ZNF506: variants seen among roughly 807,000 people sequenced by gnomAD.
ZNF506 encodes the protein zinc finger protein 506.
ZNF506 carries 10 observed loss-of-function variants against 11.6 expected under a neutral mutation model. The ratio of observed to expected loss-of-function variants is 0.86; its 90% CI spans 0.53 to 1.46. ZNF506 has a LOEUF of 1.46. Among genes scored for constraint, ZNF506 ranks in the 40% most tolerant of loss-of-function variants. The pLI is 0.00. For missense variants in ZNF506, 425 were observed against 521.2 expected (o/e 0.82, Z 1.80); for synonymous variants, 156 against 173.3 (o/e 0.90, Z 0.78).
chr19:19,800,391 AATATATATAT>A (rs3062863), intron 3 of ZNF506, among the ~76,000 whole-genome samples: 2 of 139,244 alleles, frequency 1.4e-5, no homozygotes, highest in African/African-American at 5.3e-5. Context: ...AACTAAACAG[AATATATATAT>A]ATATATATAT....
chr19:19,800,188 G>A (rs891701903), intron 3 of ZNF506, among the ~76,000 whole-genome samples: 2 of 151,572 alleles, frequency 1.3e-5, no homozygotes, highest in African/African-American at 4.8e-5. Flanking sequence ...AAAATAAAAC[G>A]AGCCAGCCAC....
intron 3 of ZNF506, chr19:19,798,812 T>A (rs1465605550): frequency 1.3e-5 from 2 of 152,008 alleles, no homozygotes; most frequent in African/African-American, 4.8e-5. Flanking sequence ...TTATTAACAG[T>A]AAGTTTTTCT....
At chr19:19,809,562 T>C (rs944599374) in intron 1 of ZNF506, among the ~76,000 whole-genome samples, 5 of 152,220 alleles carry the variant, frequency 3.3e-5, no homozygotes, top group African/African-American at 1.2e-4. Context: ...AAGGTGTCAG[T>C]ATTACATGTT....
intron 1 of ZNF506, among the ~76,000 whole-genome samples, chr19:19,814,972 T>C (rs1185608655): frequency 6.6e-6 from 1 of 151,946 alleles, no homozygotes; most frequent in Non-Finnish European, 1.5e-5. Context: ...AAAATGCCAT[T>C]GTGGGCCGGG....
intron 1 of ZNF506, 106 bp from the exon 2 acceptor site, chr19:19,807,174 G>A: frequency 6.5e-7 from 1 of 1,532,856 alleles, no homozygotes; most frequent in Non-Finnish European, 8.8e-7. Context: ...CTGACTTATA[G>A]GACTAAAATT....
At chr19:19,817,434 ATT>A (rs59740974) in intron 1 of ZNF506, among the ~76,000 whole-genome samples, 6,404 of 46,150 alleles carry the variant, frequency 0.14, 308 homozygotes, top group African/African-American at 0.31. Flanking sequence ...CGTAAATCTG[ATT>A]TTTTTTTTTT....
In ZNF506 at chr19:19,795,238, T is replaced by C. The variant is rs758525360; in HGVS notation, c.649A>G (p.Thr217Ala). The change falls in exon 4 of 4, where the codon ACT (threonine) becomes GCT (alanine). Residue 217 changes from threonine (T) to alanine (A), a missense_variant. By Grantham distance (58) the Thr-to-Ala change is moderately conservative (BLOSUM62 0). Around this residue, in one of 3 missense-constraint regions of ZNF506, gnomAD observed 226 missense variants for 279.1 expected, o/e 0.81. Transcript: ENST00000540806. Reference protein sequence around the residue: ...GKAYKQSSHLTTHKKIHTGEK... With the variant: ...GKAYKQSSHLATHKKIHTGEK... ...CCAGTATGAATTTTCTTATGTGTAG[T>C]AAGGTGTGAGGACTGCTTATAGGCT... 6.2e-7 allele frequency: 1 copy of C among 1,614,004 alleles called. No homozygotes were observed. The highest frequency in any genetic ancestry group is 8.5e-7 in the Non-Finnish European group (1 of 1,179,956).
chr19:19,820,061 C>G (rs543698022), intron 1 of ZNF506, among the ~76,000 whole-genome samples: 1 of 150,942 alleles, frequency 6.6e-6, no homozygotes, highest in Non-Finnish European at 1.5e-5. Flanking sequence ...CGCCCCACTG[C>G]ACTCCAGCAT....
At position 19,794,458 on chromosome 19, in the gene ZNF506, G is replaced by A. The variant is rs186659096; in HGVS notation, c.*94C>T. On this transcript the variant is annotated 3_prime_UTR_variant, in exon 4 of 4. Coordinates refer to ENST00000540806, the MANE Select transcript of ZNF506 (RefSeq NM_001099269.3). ...CATTCTTTATATTTGTAGGGTTTAT[G>A]TTCCATATAAATTCTCATATTTAGT... The A allele has an allele frequency of 7.2e-5, 89 of 1,244,216 alleles. No individual in the cohort carries two copies. Among genetic ancestry groups the A allele is most frequent in the Non-Finnish European group, 9.3e-5 (83 of 893,728 alleles). The allele number at this position is 1,244,216 out of a possible 1,614,324, so 77.1% of individuals were successfully genotyped here.
At chr19:19,797,970 A>C (rs1195853919) in intron 3 of ZNF506, 3 of 152,244 alleles carry the variant, frequency 2.0e-5, no homozygotes, top group African/African-American at 7.2e-5. Context: ...GGCACTGCAT[A>C]TGCCCTACAT....
intron 1 of ZNF506, among the ~76,000 whole-genome samples, chr19:19,814,125 G>A (rs1333044689): frequency 2.0e-5 from 3 of 151,894 alleles, no homozygotes; most frequent in African/African-American, 7.3e-5. Flanking sequence ...AACAAATGCA[G>A]AGGCTGCGTG....
Position 19,793,150 on chromosome 19 carries a change from A to G in ZNF506, c.*1402T>C, listed in dbSNP as rs557977894. ...TTTTTCAAGAAACAAGTACACTTTC[A>G]ATGAAATTACAATGCTTCAGAAAAT... is the stretch of plus-strand genomic sequence containing the variant. On this transcript the variant is annotated 3_prime_UTR_variant, in exon 4 of 4. Coordinates refer to ENST00000540806, the MANE Select transcript of ZNF506 (RefSeq NM_001099269.3). Among the ~76,000 whole-genome samples the G allele has an allele frequency of 6.6e-6, 1 of 152,288 alleles. No individual in the cohort carries two copies. Among genetic ancestry groups the G allele is most frequent in the African/African-American group, 2.4e-5 (1 of 41,578 alleles).
intron 3 of ZNF506, chr19:19,798,254 A>G (rs2062759231): frequency 6.6e-6 from 1 of 152,202 alleles, no homozygotes; most frequent in East Asian, 1.9e-4. Context: ...AGATGTAATA[A>G]TGAGGAATTT....
In ZNF506 at chr19:19,793,322, TA is replaced by T. The variant is rs1156984166; in HGVS notation, c.*1229del. ...TACGTAAAATCAATTTTGAATTAAA[TA>T]TTTTTTTCATATTTACATCTGCAAA... is the stretch of plus-strand genomic sequence containing the variant. On this transcript the variant is annotated 3_prime_UTR_variant, in exon 4 of 4. Coordinates refer to ENST00000540806, the MANE Select transcript of ZNF506 (RefSeq NM_001099269.3). Among the ~76,000 whole-genome samples the T allele has an allele frequency of 1.3e-5, 2 of 152,196 alleles. No homozygotes were observed. Among genetic ancestry groups the T allele is most frequent in the Non-Finnish European group, 2.9e-5 (2 of 68,024 alleles).
At chr19:19,814,947 G>C (rs2062917512) in intron 1 of ZNF506, among the ~76,000 whole-genome samples, 3 of 152,100 alleles carry the variant, frequency 2.0e-5, no homozygotes, top group Admixed American at 2.0e-4. Context: ...TTCTTGGCAA[G>C]AAACACTAGG....
chr19:19,811,635 C>A (rs1254628310), intron 1 of ZNF506, among the ~76,000 whole-genome samples: 2 of 152,096 alleles, frequency 1.3e-5, no homozygotes, highest in Non-Finnish European at 2.9e-5. Flanking sequence ...AACCCCATCT[C>A]TGCTAAAAAT....
At chr19:19,819,295 T>A (rs1347863486) in intron 1 of ZNF506, among the ~76,000 whole-genome samples, 1 of 151,916 alleles carries the variant, frequency 6.6e-6, no homozygotes, top group Non-Finnish European at 1.5e-5. Flanking sequence ...AGCATCTGAT[T>A]GTCTGACCAG....
chr19:19,812,066 G>T (rs554279742), intron 1 of ZNF506, among the ~76,000 whole-genome samples: 1 of 152,006 alleles, frequency 6.6e-6, no homozygotes, highest in South Asian at 2.1e-4. Context: ...TGGGTCTCCA[G>T]ATCTCCTCCT....
chr19:19,818,076 C>A (rs907409082), intron 1 of ZNF506, among the ~76,000 whole-genome samples: 1 of 152,064 alleles, frequency 6.6e-6, no homozygotes, highest in African/African-American at 2.4e-5. Context: ...GATCAACCCC[C>A]CTCGGCCTCC....
Sources: gnomAD v4.1 joint callset for allele counts (sites outside exome capture counted in the v4.1 genomes callset) on GRCh38, gnomAD v4.1.1 for gene constraint, gnomAD v4.1.1 regional missense constraint, MANE v1.5 for transcripts, NCBI Gene and HGNC (gene_info 2026-07-23, HGNC 2026-07-21) for gene names.